The following AMACR variants were observed in gnomAD, a reference collection of about 807,000 sequenced individuals.
AMACR encodes 2-methylacyl-CoA racemase.
In AMACR, 18 loss-of-function variants were observed where a neutral mutation model predicts 22.2. That is an observed-to-expected ratio of 0.81 (90% CI 0.56 to 1.20). The LOEUF (loss-of-function observed/expected upper bound fraction) is 1.20, where lower values mean the gene tolerates loss of function less well. AMACR is among the 50% of genes most tolerant of loss of function. The probability of loss-of-function intolerance (pLI) is 0.00; values close to 1 mark genes in which losing one functional copy is unlikely to be tolerated. For missense variants in AMACR, 499 were observed against 490.6 expected, an observed-to-expected ratio of 1.02 and a Z score of -0.16; for synonymous variants, 213 against 191.3, an observed-to-expected ratio of 1.11 and a Z score of -0.94.
Position 33,989,989 on chromosome 5 carries a change from T to C in AMACR, c.740-487A>G, listed in dbSNP as rs577955176. 4.9e-4 allele frequency among the ~76,000 whole-genome samples: 71 copies of C among 146,280 alleles called. 2 individuals are homozygous for C. The South Asian group carries it at 0.014, about 29-fold the overall frequency. ...GATTGCAATTTTTTAAATACATTCA[T>C]TTATCTTTATTTTGTTAAAATAAAA... On this transcript the variant is annotated intron_variant, in intron 4 of 4. Coordinates refer to ENST00000335606, the MANE Select transcript of AMACR (RefSeq NM_014324.6).
In AMACR at chr5:33,988,390, G is replaced by A; in HGVS notation, c.*703C>T. 2 of 1,537,938 alleles carry A rather than the reference G, an allele frequency of 1.3e-6. No individual in the cohort carries two copies. Among genetic ancestry groups the A allele is most frequent in the Middle Eastern group, 3.3e-4 (2 of 5,992 alleles). ...AGGAGAAATCAAACACATGGAGAAA[G>A]GAAAGCTGACAGCCCAGAGACCCAC... On this transcript the variant is annotated 3_prime_UTR_variant, in exon 5 of 5. Coordinates refer to ENST00000335606, the MANE Select transcript of AMACR (RefSeq NM_014324.6).
At chr5:34,004,450 G>C (rs1753908953) in intron 3 of AMACR, 124 bp downstream of exon 3, 1 of 1,255,070 alleles carries the variant, frequency 8.0e-7, no homozygotes, top group African/African-American at 1.5e-5. Context: ...GATATCCTTG[G>C]TAACCTGGCT....
At chr5:33,997,339 A>T (rs1487871776) in intron 4 of AMACR, 1 of 775,060 alleles carries the variant, frequency 1.3e-6, no homozygotes, top group African/African-American at 1.7e-5. Context: ...ATTTTTAATC[A>T]TCATTGGCTT....
At chr5:33,991,901 CAG>C (rs1024455861) in intron 4 of AMACR, among the ~76,000 whole-genome samples, 1 of 152,168 alleles carries the variant, frequency 6.6e-6, no homozygotes, top group African/African-American at 2.4e-5. Context: ...TTATTTAAGA[CAG>C]AGTCTCACAC....
At chr5:33,996,053 C>T (rs1753623117) in intron 4 of AMACR, among the ~76,000 whole-genome samples, 2 of 152,100 alleles carry the variant, frequency 1.3e-5, no homozygotes, top group Admixed American at 1.3e-4. Flanking sequence ...ATCCCATCCC[C>T]AGAGAACTGT....
rs542612053 is a variant in AMACR at position 34,000,266 on chromosome 5, C to T, written c.553-1439G>A. 5.9e-5 allele frequency among the ~76,000 whole-genome samples: 9 copies of T among 152,244 alleles called. No individual in the cohort carries two copies. In the Middle Eastern group the frequency reaches 0.01, roughly 173 times the overall value. On this transcript the variant is annotated intron_variant, in intron 3 of 4. Transcript: ENST00000335606. ...AAGCTTTACTTCTCTCAGAGCCTAA[C>T]GCCGAATCAATAGGGCGGTAATAGA...
chr5:34,002,589 T>C (rs1400985016), intron 3 of AMACR, among the ~76,000 whole-genome samples: 4 of 152,126 alleles, frequency 2.6e-5, no homozygotes, highest in Non-Finnish European at 2.9e-5. Flanking sequence ...CTTCGGACCC[T>C]TTCCCGTCAT....
chr5:33,999,331 T>C (rs1753740498), intron 3 of AMACR, among the ~76,000 whole-genome samples: 1 of 152,196 alleles, frequency 6.6e-6, no homozygotes, highest in Non-Finnish European at 1.5e-5. Flanking sequence ...TTGATTCCAA[T>C]CCCAAGAAAA....
intron 3 of AMACR, among the ~76,000 whole-genome samples, chr5:34,003,088 C>T (rs1279865156): frequency 1.3e-5 from 2 of 152,176 alleles, no homozygotes; most frequent in Non-Finnish European, 2.9e-5. Flanking sequence ...CTGACCACTC[C>T]TTTCTTTGGT....
intron 4 of AMACR, 42 bp downstream of exon 4, chr5:33,998,599 C>T (rs747535789): frequency 1.9e-6 from 3 of 1,554,050 alleles, no homozygotes; most frequent in Non-Finnish European, 2.6e-6. Flanking sequence ...AGAACATCCA[C>T]AGCAAAAGGG....
At chr5:33,994,417 G>A (rs890432155) in intron 4 of AMACR, among the ~76,000 whole-genome samples, 2 of 152,142 alleles carry the variant, frequency 1.3e-5, no homozygotes, top group African/African-American at 2.4e-5. Flanking sequence ...GACCTCAAGT[G>A]ATCCACCTGC....
intron 4 of AMACR, among the ~76,000 whole-genome samples, chr5:33,991,983 A>G (rs1753491590): frequency 6.6e-6 from 1 of 152,080 alleles, no homozygotes; most frequent in Non-Finnish European, 1.5e-5. Flanking sequence ...GGTTCAAGAG[A>G]TTCTCCTGCC....
rs774469753 is a variant in AMACR, at chr5:33,998,724, A to G, written c.656T>C (p.Phe219Ser). Reference sequence around the variant, plus strand: ...ATCTGCTGTCCTGTAAGTCGTATAGAAAGGTGCTCCACCATCCAACATGTT... The same window carrying G: ...ATCTGCTGTCCTGTAAGTCGTATAGGAAGGTGCTCCACCATCCAACATGTT... Reference protein sequence around the residue: ...GQNMLDGGAPFYTTYRTADGE... With the variant: ...GQNMLDGGAPSYTTYRTADGE... Residue 219 changes from phenylalanine to serine, a missense_variant, in exon 4 of 5, where the codon TTC becomes TCC. Transcript: ENST00000335606. 1.9e-6 allele frequency: 3 copies of G among 1,614,148 alleles called. No individual in the cohort carries two copies. In the South Asian group the frequency reaches 3.3e-5, roughly 18 times the overall value.
In AMACR at chr5:33,988,506, T is replaced by C; in HGVS notation, c.*587A>G. ...CGTAGTGAGCCAACACATTTCCTCATTATTTTGGATATGTTTTTTTCAGTT... is the reference window on the plus strand; with the variant it reads ...CGTAGTGAGCCAACACATTTCCTCACTATTTTGGATATGTTTTTTTCAGTT... On this transcript the variant is annotated 3_prime_UTR_variant, in exon 5 of 5. Transcript: ENST00000335606. 1 of 1,410,732 alleles carries C rather than the reference T, an allele frequency of 7.1e-7. No individual in the cohort carries two copies. Among genetic ancestry groups the C allele is most frequent in the African/African-American group, 1.4e-5 (1 of 69,210 alleles). 87.4% of individuals were successfully genotyped at this position (1,410,732 alleles called of 1,614,324 possible). A position where few individuals can be genotyped will look rare whatever the true frequency, so the allele number is the denominator to read the frequency against.
At chr5:33,991,864 C>G (rs1275806317) in intron 4 of AMACR, among the ~76,000 whole-genome samples, 3 of 151,750 alleles carry the variant, frequency 2.0e-5, no homozygotes, top group Admixed American at 2.0e-4. Context: ...CCTCAGCCTC[C>G]CTATTTTTAT....
At chr5:34,005,944 G>A (rs1293365618) in intron 1 of AMACR, 45 bp from the exon 2 acceptor site, 2 of 1,606,526 alleles carry the variant, frequency 1.2e-6, no homozygotes, top group East Asian at 2.2e-5. Flanking sequence ...ATGAATTGAG[G>A]ATGGAGATAA....
rs561436258 is a variant in AMACR, at chr5:33,988,558, A to C, written c.*535T>G. The C allele has an allele frequency of 8.8e-6, 12 of 1,367,468 alleles. No individual in the cohort carries two copies. The highest frequency in any genetic ancestry group is 1.1e-5 in the Non-Finnish European group (12 of 1,063,574). The allele number at this position is 1,367,468 out of a possible 1,614,324, so 84.7% of individuals were successfully genotyped here. On this transcript the variant is annotated 3_prime_UTR_variant, in exon 5 of 5. Transcript: ENST00000335606. ...AAGGCATTCTGATTCAATACAGGTG[A>C]AACTTTTCTTTGCAAATTACAAAGT...
rs1452961707 is a variant in AMACR, at chr5:33,987,501, T to C, written c.*1592A>G. On this transcript the variant is annotated 3_prime_UTR_variant, in exon 5 of 5. Transcript: ENST00000335606. ...TAAAAATTTGAACACACAAACACAATGAAACTCAACATCTGTCAGACATCA... is the reference window on the plus strand; with the variant it reads ...TAAAAATTTGAACACACAAACACAACGAAACTCAACATCTGTCAGACATCA... 1 of 152,236 alleles carries C rather than the reference T, an allele frequency of 6.6e-6. No homozygotes were observed. Among genetic ancestry groups the C allele is most frequent in the Non-Finnish European group, 1.5e-5 (1 of 68,044 alleles). The allele number at this position is 152,236 out of a possible 1,614,324, so 9.4% of individuals were successfully genotyped here. A position where few individuals can be genotyped will look rare whatever the true frequency, so the allele number is the denominator to read the frequency against.
At chr5:33,999,821 T>C (rs1192584102) in intron 3 of AMACR, among the ~76,000 whole-genome samples, 1 of 152,210 alleles carries the variant, frequency 6.6e-6, no homozygotes, top group African/African-American at 2.4e-5. Context: ...GGCTGTGACA[T>C]TTATTGTCAC....
Sources: allele counts gnomAD v4.1 joint callset (sites outside exome capture counted in the v4.1 genomes callset), GRCh38; gene constraint gnomAD v4.1.1; transcripts MANE v1.5; gene names NCBI Gene and HGNC (gene_info 2026-07-23, HGNC 2026-07-21).